NAV1: variants seen among roughly 807,000 people sequenced by gnomAD.
NAV1 encodes pore membrane and/or filament interacting like protein 3.
NAV1 carries 18 observed loss-of-function variants against 175.2 expected under a neutral mutation model. The ratio of observed to expected loss-of-function variants is 0.10; its 90% CI spans 0.07 to 0.15. The LOEUF (loss-of-function observed/expected upper bound fraction) is 0.15, where lower values mean the gene tolerates loss of function less well. Among genes scored for constraint, NAV1 ranks in the 10% least tolerant of loss-of-function variants. The probability of loss-of-function intolerance (pLI) is 1.00; values close to 1 mark genes in which losing one functional copy is unlikely to be tolerated. For missense variants in NAV1, 1,731 were observed against 2,436.6 expected, an observed-to-expected ratio of 0.71 and a Z score of 6.10; for synonymous variants, 897 against 978.7, an observed-to-expected ratio of 0.92 and a Z score of 1.56.
intron 1 of NAV1, among the ~76,000 whole-genome samples, chr1:201,651,837 T>G (rs532412461): frequency 8.5e-5 from 13 of 152,124 alleles, no homozygotes; most frequent in Admixed American, 8.5e-4. Flanking sequence ...TCTGCCTGTC[T>G]CCAGCTGAGA....
At chr1:201,816,499 TG>T (rs1399185553) in intron 28 of NAV1, among the ~76,000 whole-genome samples, 1 of 152,114 alleles carries the variant, frequency 6.6e-6, no homozygotes, top group Non-Finnish European at 1.5e-5. Context: ...GATTAAAAAA[TG>T]AATAAAATAA....
At chr1:201,591,522 T>C (rs888373303) in intron 2 of NAV1, among the ~76,000 whole-genome samples, 3 of 152,146 alleles carry the variant, frequency 2.0e-5, no homozygotes, top group Non-Finnish European at 2.9e-5. Flanking sequence ...GCCTGGCATA[T>C]AGAAGGAGGG....
chr1:201,590,894 C>T (rs1042838349), intron 2 of NAV1, among the ~76,000 whole-genome samples: 1 of 152,198 alleles, frequency 6.6e-6, no homozygotes, highest in Admixed American at 6.5e-5. Flanking sequence ...GACTGAGGAT[C>T]GCAGACAGTG....
chr1:201,546,903 CA>C (rs534761806), intron 1 of NAV1, among the ~76,000 whole-genome samples: 3,084 of 59,026 alleles, frequency 0.052, 50 homozygotes, highest in Admixed American at 0.17. Context: ...AACTCTGTCT[CA>C]AAAAAAAAAA....
chr1:201,598,503 TGTG>T (rs1354383480), intron 2 of NAV1, among the ~76,000 whole-genome samples: 5 of 152,144 alleles, frequency 3.3e-5, no homozygotes, highest in Non-Finnish European at 7.3e-5. Context: ...GAGAACAAAG[TGTG>T]TGTCCTGGTG....
chr1:201,564,241 A>G lies in NAV1; in HGVS notation c.-143-24298A>G, dbSNP rs978857643. On this transcript the variant is annotated intron_variant, in intron 1 of 33. Coordinates refer to the NAV1 transcript ENST00000685211. ...GTAGATGGTCAGTTTGTAGGTGTGA[A>G]AGGAATAGTTCAGTCTCACCTCCTC... 4.6e-5 allele frequency among the ~76,000 whole-genome samples: 7 copies of G among 152,048 alleles called. No individual in the cohort carries two copies. The East Asian group carries it at 1.3e-3, about 29-fold the overall frequency.
At chr1:201,584,482 ATGTG>A (rs1666968416) in intron 1 of NAV1, among the ~76,000 whole-genome samples, 1 of 152,220 alleles carries the variant, frequency 6.6e-6, no homozygotes, top group Admixed American at 6.5e-5. Flanking sequence ...ATTGCCTGAG[ATGTG>A]TGTGCAGACT....
At chr1:201,569,900 A>C (rs1571825953) in intron 1 of NAV1, among the ~76,000 whole-genome samples, 1 of 152,330 alleles carries the variant, frequency 6.6e-6, no homozygotes, top group Non-Finnish European at 1.5e-5. Flanking sequence ...ATCGTTGACA[A>C]GTCAATTTAC....
At chr1:201,648,259 ACAGG>A (rs146862553) in exon 1 of NAV1, 2 of 1,037,698 alleles carry the variant, frequency 1.9e-6, no homozygotes, top group Non-Finnish European at 2.3e-6. Flanking sequence ...CACGGGACTG[ACAGG>A]CAGGCAGGCC....
In NAV1 at chr1:201,819,564, G is replaced by A. The variant is rs767347645; in HGVS notation, c.5539-273G>A. Among the ~76,000 whole-genome samples, 9 of 151,226 alleles carry A rather than the reference G, an allele frequency of 6.0e-5. No homozygotes were observed. In the South Asian group the frequency reaches 1.2e-3, roughly 21 times the overall value. On this transcript the variant is annotated intron_variant, in intron 29 of 29. Coordinates refer to ENST00000367296, the Ensembl canonical transcript of NAV1. ...CTCAAACTCCTAGGCTCATAGGCTC[G>A]AGTCATCCTCCCACTTGGGCTTTGG...
At chr1:201,698,119 C>G (rs1671266921) in intron 1 of NAV1, among the ~76,000 whole-genome samples, 1 of 152,232 alleles carries the variant, frequency 6.6e-6, no homozygotes, top group South Asian at 2.1e-4. Context: ...TCTTGTGGCT[C>G]AGCCTTTGCA....
At chr1:201,687,655 A>T (rs776492935) in intron 1 of NAV1, among the ~76,000 whole-genome samples, 4 of 152,232 alleles carry the variant, frequency 2.6e-5, no homozygotes, top group Admixed American at 1.3e-4. Context: ...TGCATATTTC[A>T]TGGTAGAGCC....
Position 201,808,059 on chromosome 1 carries a change from C to T in NAV1, c.3755C>T (p.Ser1252Leu). 2.5e-6 allele frequency: 4 copies of T among 1,614,224 alleles called. No individual in the cohort carries two copies. Among genetic ancestry groups the T allele is most frequent in the Non-Finnish European group, 3.4e-6 (4 of 1,180,040 alleles). ...GCTACACCCGACTCTTCAGCCCCCT[C>T]ATCCCCCAAACTACAGCATGGTTCT... Residue 1252 changes from serine (S) to leucine (L), a missense_variant, in exon 18 of 30, where the codon TCA becomes TTA. Ser to Leu is a moderately radical substitution (Grantham distance 145, BLOSUM62 -2). Around this residue, in one of 13 missense-constraint regions of NAV1, gnomAD observed 146 missense variants for 176.8 expected, o/e 0.83. Coordinates refer to ENST00000367296, the Ensembl canonical transcript of NAV1. This position sits in a 1 kb window ranked among gnomAD's most constrained non-coding sequence, Gnocchi z 5.5.
chr1:201,546,119 C>G (rs1665665697), intron 1 of NAV1, among the ~76,000 whole-genome samples: 1 of 152,172 alleles, frequency 6.6e-6, no homozygotes, highest in South Asian at 2.1e-4. Context: ...CCAGCCAGGA[C>G]CCATACGAAG....
chr1:201,669,255 C>T (rs936689433), intron 1 of NAV1, among the ~76,000 whole-genome samples: 2 of 152,184 alleles, frequency 1.3e-5, no homozygotes, highest in Non-Finnish European at 2.9e-5. Context: ...ACATTGGGTA[C>T]ATGTTATGTA....
At chr1:201,605,223 C>T (rs1477482736) in intron 2 of NAV1, among the ~76,000 whole-genome samples, 1 of 151,064 alleles carries the variant, frequency 6.6e-6, no homozygotes, top group East Asian at 1.9e-4. Flanking sequence ...TTTCCACCTT[C>T]CCTCTCCATC....
Position 201,542,340 on chromosome 1 carries a change from T to C in NAV1, c.-144+2998T>C, listed in dbSNP as rs185604058. ...GAAGCATCTATCAACTTTTCGAGTC[T>C]CTGGAACATGGAGAGCTAAGAAATG... On this transcript the variant is annotated intron_variant, in intron 1 of 33. Coordinates refer to the NAV1 transcript ENST00000685211. 2.5e-4 allele frequency among the ~76,000 whole-genome samples: 38 copies of C among 152,200 alleles called. 1 individual carries two copies. Among genetic ancestry groups the C allele is most frequent in the Non-Finnish European group, 4.0e-4 (27 of 68,028 alleles).
intron 1 of NAV1, among the ~76,000 whole-genome samples, chr1:201,661,679 G>C (rs1411361160): frequency 1.3e-5 from 2 of 152,126 alleles, no homozygotes; most frequent in Non-Finnish European, 2.9e-5. Context: ...GAAAGGACTG[G>C]TGCAGAGGCT....
intron 2 of NAV1, among the ~76,000 whole-genome samples, chr1:201,596,829 G>GTTTTTTT (rs1667361297): frequency 2.0e-5 from 3 of 152,020 alleles, no homozygotes; most frequent in Admixed American, 2.0e-4. Flanking sequence ...TTGTTTGTTT[G>GTTTTTTT]TTTGTTTGTT....
Sources: gnomAD v4.1 joint callset for allele counts (sites outside exome capture counted in the v4.1 genomes callset) on GRCh38, gnomAD v4.1.1 for gene constraint, gnomAD v4.1.1 regional missense constraint, Gnocchi (gnomAD v3.1) non-coding constraint, MANE v1.5 for transcripts, NCBI Gene and HGNC (gene_info 2026-07-23, HGNC 2026-07-21) for gene names.